Variants in CPQ observed in about 807,000 individuals in gnomAD.
CPQ encodes carboxypeptidase Q.
CPQ carries 37 observed loss-of-function variants against 45.7 expected under a neutral mutation model. That is an observed-to-expected ratio of 0.81 (90% CI 0.62 to 1.07). The LOEUF (loss-of-function observed/expected upper bound fraction) is 1.07, where lower values mean the gene tolerates loss of function less well. Among genes scored for constraint, CPQ ranks in the 50% least tolerant of loss-of-function variants. CPQ has a pLI of 0.00. For missense variants in CPQ, 537 were observed against 572.9 expected (o/e 0.94, Z 0.64); for synonymous variants, 186 against 205.8 (o/e 0.90, Z 0.82).
intron 3 of CPQ, among the ~76,000 whole-genome samples, chr8:96,843,905 A>G (rs1586423314): frequency 6.6e-6 from 1 of 152,194 alleles, no homozygotes; most frequent in Non-Finnish European, 1.5e-5. Context: ...GGGCTGCTAT[A>G]ATTAATGGTC....
intron 4 of CPQ, among the ~76,000 whole-genome samples, chr8:96,923,480 C>A (rs1296968232): frequency 1.3e-5 from 2 of 152,120 alleles, no homozygotes; most frequent in Non-Finnish European, 2.9e-5. Flanking sequence ...TCTCAAATGT[C>A]ATTTTTTTTC....
chr8:96,839,649 G>A (rs765994764), intron 3 of CPQ, among the ~76,000 whole-genome samples: 3 of 152,218 alleles, frequency 2.0e-5, no homozygotes, highest in East Asian at 1.9e-4. Context: ...AGAAATTTCC[G>A]AGTACTAGGA....
At chr8:96,793,618 T>G (rs1810882199) in intron 2 of CPQ, among the ~76,000 whole-genome samples, 1 of 152,196 alleles carries the variant, frequency 6.6e-6, no homozygotes, top group Non-Finnish European at 1.5e-5. Context: ...AAACCAATCA[T>G]GCTTTCCCAA....
At chr8:96,761,544 T>C (rs1176926386) in intron 1 of CPQ, 1 of 152,140 alleles carries the variant, frequency 6.6e-6, no homozygotes, top group African/African-American at 2.4e-5. Context: ...GTTTTCTTTG[T>C]TATTCTTCTT....
At chr8:96,702,548 A>C (rs1809477619) in intron 1 of CPQ, among the ~76,000 whole-genome samples, 1 of 152,218 alleles carries the variant, frequency 6.6e-6, no homozygotes, top group South Asian at 2.1e-4. Context: ...AATAGTGCTT[A>C]CTACCTACCA....
At chr8:96,834,640 G>A (rs1246877393) in intron 2 of CPQ, among the ~76,000 whole-genome samples, 1 of 152,146 alleles carries the variant, frequency 6.6e-6, no homozygotes, top group Admixed American at 6.5e-5. Flanking sequence ...TAAATGATTA[G>A]CATCATTCTT....
chr8:96,833,126 A>G (rs1370262928), intron 2 of CPQ, among the ~76,000 whole-genome samples: 1 of 152,170 alleles, frequency 6.6e-6, no homozygotes, highest in Admixed American at 6.5e-5. Context: ...TAAAGGAGAC[A>G]GAGGAATCAG....
chr8:97,060,221 G>A lies in CPQ; in HGVS notation c.1054-5788G>A, dbSNP rs1286469285. Among the ~76,000 whole-genome samples the A allele has an allele frequency of 2.0e-5, 3 of 152,040 alleles. No individual in the cohort carries two copies. The South Asian group carries it at 6.2e-4, about 32-fold the overall frequency. On this transcript the variant is annotated intron_variant, in intron 6 of 7. Coordinates refer to ENST00000220763, the MANE Select transcript of CPQ (RefSeq NM_016134.4). The stretch of plus-strand genomic sequence containing the variant: ...AAACATCATCCTTGTGTTTATATTA[G>A]GAAGTATTTTAAAACATGCAATATG...
chr8:96,889,665 C>A (rs754314999), intron 4 of CPQ, among the ~76,000 whole-genome samples: 9 of 152,164 alleles, frequency 5.9e-5, no homozygotes, highest in Non-Finnish European at 1.2e-4. Flanking sequence ...GCTGACAGTG[C>A]AGCCTTCAGT....
At chr8:96,974,017 G>A (rs1483980580) in intron 5 of CPQ, among the ~76,000 whole-genome samples, 1 of 152,078 alleles carries the variant, frequency 6.6e-6, no homozygotes, top group African/African-American at 2.4e-5. Context: ...TACCTCACAT[G>A]TCAATACTAA....
chr8:97,005,553 C>T (rs1338440134), intron 5 of CPQ, among the ~76,000 whole-genome samples: 1 of 151,878 alleles, frequency 6.6e-6, no homozygotes, highest in African/African-American at 2.4e-5. Context: ...AATAAAAATA[C>T]ATTTAAAAAA....
intron 4 of CPQ, among the ~76,000 whole-genome samples, chr8:96,905,070 C>T (rs2130899864): frequency 6.6e-6 from 1 of 152,178 alleles, no homozygotes; most frequent in East Asian, 1.9e-4. Context: ...TTAATGGACT[C>T]TTAGTTCTGC....
chr8:97,085,247 A>T (rs1440620791), intron 7 of CPQ, among the ~76,000 whole-genome samples: 2 of 152,000 alleles, frequency 1.3e-5, no homozygotes, highest in African/African-American at 4.8e-5. Context: ...AGCCAGGCGC[A>T]GTGGTGCATT....
intron 1 of CPQ, among the ~76,000 whole-genome samples, chr8:96,777,568 C>T (rs912103280): frequency 2.6e-5 from 4 of 151,372 alleles, no homozygotes; most frequent in Admixed American, 6.6e-5. Flanking sequence ...ATTACCTATA[C>T]GGTTATTCCC....
intron 5 of CPQ, among the ~76,000 whole-genome samples, chr8:97,017,512 C>T (rs1759956061): frequency 6.6e-6 from 1 of 152,134 alleles, no homozygotes; most frequent in Non-Finnish European, 1.5e-5. Flanking sequence ...TAGCCTGGGG[C>T]AAGTTCTCAG....
intron 1 of CPQ, among the ~76,000 whole-genome samples, chr8:96,746,654 T>A (rs537623095): frequency 6.6e-6 from 1 of 152,340 alleles, no homozygotes; most frequent in African/African-American, 2.4e-5. Context: ...GCACTGTACC[T>A]CTCGAGGTAT....
chr8:96,770,378 G>A (rs904512616), intron 1 of CPQ, among the ~76,000 whole-genome samples: 1 of 152,170 alleles, frequency 6.6e-6, no homozygotes, highest in Admixed American at 6.6e-5. Flanking sequence ...AAAGAGGGAT[G>A]TCATGAGCTG....
chr8:96,934,566 G>C (rs1375977262), intron 4 of CPQ, among the ~76,000 whole-genome samples: 1 of 152,154 alleles, frequency 6.6e-6, no homozygotes, highest in Non-Finnish European at 1.5e-5. Context: ...GACTGGTTCT[G>C]GGAAAATTGT....
At chr8:97,119,392 A>G (rs999440904) in intron 7 of CPQ, among the ~76,000 whole-genome samples, 2 of 149,676 alleles carry the variant, frequency 1.3e-5, no homozygotes, top group African/African-American at 2.5e-5. Context: ...CTGTGTCACT[A>G]TGTGATCTCA....
Sources: gnomAD v4.1 joint callset for allele counts (sites outside exome capture counted in the v4.1 genomes callset) on GRCh38, gnomAD v4.1.1 for gene constraint, MANE v1.5 for transcripts, NCBI Gene and HGNC (gene_info 2026-07-23, HGNC 2026-07-21) for gene names.